Variants in RFXANK observed in about 807,000 individuals in gnomAD.
The protein encoded by RFXANK is DNA-binding protein RFXANK.
RFXANK carries 19 observed loss-of-function variants against 34.5 expected under a neutral mutation model. That is an observed-to-expected ratio of 0.55 (90% CI 0.38 to 0.81). The LOEUF (loss-of-function observed/expected upper bound fraction) is 0.81, where lower values mean the gene tolerates loss of function less well. Among genes scored for constraint, RFXANK ranks in the 30% least tolerant of loss-of-function variants. The probability of loss-of-function intolerance (pLI) is 0.00; values close to 1 mark genes in which losing one functional copy is unlikely to be tolerated. For missense variants in RFXANK, 295 were observed against 343.5 expected (o/e 0.86, Z 1.12); for synonymous variants, 154 against 149.8 (o/e 1.03, Z -0.20).
rs1437450825 is a variant in RFXANK at position 19,193,952 on chromosome 19, G to GCTTA, written c.8_11dup (p.Gln5TyrfsTer22). On this transcript the variant is annotated frameshift_variant, in exon 3 of 10. Transcript: ENST00000303088. LOFTEE classifies it high-confidence loss of function. ...CACCTCCGCCAGCTTTCCCCATGGAGCTTACCCAGCCTGCAGAAGACCTCA... is the reference window on the plus strand; with the variant it reads ...CACCTCCGCCAGCTTTCCCCATGGAGCTTACTTACCCAGCCTGCAGAAGACCTCA... 2 of 1,614,080 alleles carry GCTTA rather than the reference G, an allele frequency of 1.2e-6. No homozygotes were observed. Among genetic ancestry groups the GCTTA allele is most frequent in the East Asian group, 2.2e-5 (1 of 44,900 alleles).
In RFXANK at chr19:19,198,197, C is replaced by T. The variant is rs151053440; in HGVS notation, c.529C>T (p.Leu177=). The T allele has an allele frequency of 2.5e-6, 4 of 1,614,178 alleles. No individual in the cohort carries two copies. The highest frequency in any genetic ancestry group is 1.6e-4 in the Middle Eastern group (1 of 6,062). ...CTACACAGACATTGTGGGGCTGCTG[C>T]TGGAGCGTGACGTGGACATCAACAT... The part of the protein sequence containing the change: ...GGYTDIVGLL[L]ERDVDINIYD... Residue 177 remains leucine, a synonymous_variant, in exon 7 of 10, where the codon CTG becomes TTG. Coordinates refer to ENST00000303088, the MANE Select transcript of RFXANK (RefSeq NM_003721.4).
At chr19:19,194,723 C>T (rs1400570056) in intron 3 of RFXANK, among the ~76,000 whole-genome samples, 2 of 150,282 alleles carry the variant, frequency 1.3e-5, no homozygotes, top group African/African-American at 4.9e-5. Context: ...CTGGTCTCCA[C>T]CTCCTGGGCT....
Position 19,201,787 on chromosome 19 carries a change from A to G in RFXANK, c.*68A>G. On this transcript the variant is annotated 3_prime_UTR_variant, in exon 10 of 10. Coordinates refer to ENST00000303088, the MANE Select transcript of RFXANK (RefSeq NM_003721.4). Reference sequence around the variant, plus strand: ...TCAGCCAGAGCTGGGGAAACCCAGAACTGACTTCAAAGGCAGCTTCTGGAC... The same window carrying G: ...TCAGCCAGAGCTGGGGAAACCCAGAGCTGACTTCAAAGGCAGCTTCTGGAC... 1 of 1,613,352 alleles carries G rather than the reference A, an allele frequency of 6.2e-7. No individual in the cohort carries two copies. Among genetic ancestry groups the G allele is most frequent in the East Asian group, 2.2e-5 (1 of 44,880 alleles).
intron 5 of RFXANK, 95 bp downstream of exon 5, chr19:19,197,346 C>A: frequency 1.5e-6 from 2 of 1,335,344 alleles, no homozygotes; most frequent in East Asian, 2.4e-5. Flanking sequence ...TGTGAGTGTC[C>A]ACGTGTATGA....
intron 3 of RFXANK, 146 bp downstream of exon 3, chr19:19,194,279 C>CTGGAGTGCAA: frequency 1.1e-6 from 1 of 901,970 alleles, no homozygotes; most frequent in Non-Finnish European, 1.8e-6. Flanking sequence ...GTTGCCCATG[C>CTGGAGTGCAA]TGGAGTGCAA....
Position 19,194,270 on chromosome 19 carries a change from T to G in RFXANK, c.187+137T>G, listed in dbSNP as rs2146464175. The G allele has an allele frequency of 5.2e-6, 5 of 968,132 alleles. No homozygotes were observed. In the South Asian group the frequency reaches 6.8e-5, roughly 13 times the overall value. The allele number at this position is 968,132 out of a possible 1,614,324, so 60.0% of individuals were successfully genotyped here. A position where few individuals can be genotyped will look rare whatever the true frequency, so the allele number is the denominator to read the frequency against. On this transcript the variant is annotated intron_variant, in intron 3 of 9. Coordinates refer to ENST00000303088, the MANE Select transcript of RFXANK (RefSeq NM_003721.4). ...TTTTTGAGATGGAGTTTTGCTCTTGTTGCCCATGCTGGAGTGCAATGGCGT... is the reference window on the plus strand; with the variant it reads ...TTTTTGAGATGGAGTTTTGCTCTTGGTGCCCATGCTGGAGTGCAATGGCGT...
chr19:19,197,200 C>G lies in RFXANK; in HGVS notation c.286C>G (p.Gln96Glu). 6.2e-7 allele frequency: 1 copy of G among 1,613,862 alleles called. No homozygotes were observed. Among genetic ancestry groups the G allele is most frequent in the Non-Finnish European group, 8.5e-7 (1 of 1,180,034 alleles). The change falls in exon 5 of 10, where the codon CAG becomes GAG. Residue 96 changes from glutamine to glutamate, a missense_variant. Gln to Glu is a conservative substitution (Grantham distance 29, BLOSUM62 2). Coordinates refer to ENST00000303088, the MANE Select transcript of RFXANK (RefSeq NM_003721.4). ...PATLDSLSIH[Q>E]LAAQGELDQL... ...TCCTGCCCCAGCCCTGTCCATCCAC[C>G]AGCTCGCAGCACAGGGGGAGCTGGA...
At position 19,201,776 on chromosome 19, in the gene RFXANK, G is replaced by A; in HGVS notation, c.*57G>A. The A allele has an allele frequency of 6.2e-7, 1 of 1,613,472 alleles. No homozygotes were observed. Among genetic ancestry groups the A allele is most frequent in the Non-Finnish European group, 8.5e-7 (1 of 1,179,864 alleles). The stretch of plus-strand genomic sequence containing the variant: ...GAACAAAATGGTCAGCCAGAGCTGG[G>A]GAAACCCAGAACTGACTTCAAAGGC... On this transcript the variant is annotated 3_prime_UTR_variant, in exon 10 of 10. Coordinates refer to ENST00000303088, the MANE Select transcript of RFXANK (RefSeq NM_003721.4).
intron 3 of RFXANK, among the ~76,000 whole-genome samples, chr19:19,195,222 T>TA (rs2060577855): frequency 6.8e-6 from 1 of 147,080 alleles, no homozygotes; most frequent in African/African-American, 2.5e-5. Flanking sequence ...TTTTTTTTTT[T>TA]AAATGGAGGT....
chr19:19,201,355 G>T, intron 9 of RFXANK: 1 of 971,144 alleles, frequency 1.0e-6, no homozygotes, highest in South Asian at 1.5e-5. Flanking sequence ...TGGGATTATA[G>T]GTGTGAGCCA....
intron 3 of RFXANK, among the ~76,000 whole-genome samples, chr19:19,196,414 T>A (rs1381505848): frequency 1.3e-5 from 2 of 151,648 alleles, no homozygotes; most frequent in African/African-American, 4.8e-5. Context: ...TATATATTTT[T>A]AATTTGCTGG....
intron 3 of RFXANK, among the ~76,000 whole-genome samples, chr19:19,194,389 C>G (rs1177260074): frequency 6.6e-6 from 1 of 152,166 alleles, no homozygotes; most frequent in East Asian, 1.9e-4. Flanking sequence ...TCCGCCACTA[C>G]GCCCAGCTAA....
chr19:19,200,273 G>C (rs1009658021), intron 9 of RFXANK, among the ~76,000 whole-genome samples: 26 of 151,156 alleles, frequency 1.7e-4, no homozygotes, highest in Admixed American at 1.6e-3. Context: ...CACCTCCCAG[G>C]TTCAAGCGAT....
chr19:19,201,623 CCCA>C, intron 9 of RFXANK, 23 bp from the exon 10 acceptor site: 2 of 1,613,908 alleles, frequency 1.2e-6, no homozygotes, highest in African/African-American at 1.3e-5. Flanking sequence ...AAGCTCACAG[CCCA>C]CCTTTTCCCT....
At chr19:19,201,407 C>T in intron 9 of RFXANK, 8 of 1,391,838 alleles carry the variant, frequency 5.7e-6, no homozygotes, top group South Asian at 3.7e-5. Flanking sequence ...ACAATTCACA[C>T]ATTTTGCTTG....
intron 4 of RFXANK, 28 bp downstream of exon 4, chr19:19,197,074 G>C: frequency 6.2e-7 from 1 of 1,613,228 alleles, no homozygotes. Flanking sequence ...CCCCAACAAG[G>C]AGAGGAGTAG....
rs750765021 is a variant in RFXANK, at chr19:19,201,499, T to C, written c.713-150T>C. The C allele has an allele frequency of 3.1e-6, 5 of 1,595,544 alleles. No homozygotes were observed. The East Asian group carries it at 9.0e-5, about 29-fold the overall frequency. ...TTAGGGGAAGTTGAGGTTCCTGGGG[T>C]GAGTCCTCGGTTCTCCCAGCTTTGC... On this transcript the variant is annotated intron_variant, in intron 9 of 9. Coordinates refer to ENST00000303088, the MANE Select transcript of RFXANK (RefSeq NM_003721.4).
At position 19,199,135 on chromosome 19, in the gene RFXANK, C is replaced by T. The variant is rs372192906; in HGVS notation, c.632-19C>T. 29 of 1,612,634 alleles carry T rather than the reference C, an allele frequency of 1.8e-5. No individual in the cohort carries two copies. The African/African-American group carries it at 3.1e-4, about 17-fold the overall frequency. On this transcript the variant is annotated intron_variant, in intron 8 of 9. Coordinates refer to ENST00000303088, the MANE Select transcript of RFXANK (RefSeq NM_003721.4). ...ACTCCCAGGCCCCACCCTCCAGCGC[C>T]CTCCCCTCTCCTTTGCAGCCCGAGG...
intron 9 of RFXANK, among the ~76,000 whole-genome samples, chr19:19,199,798 C>T (rs2060670192): frequency 6.6e-6 from 1 of 152,174 alleles, no homozygotes; most frequent in Non-Finnish European, 1.5e-5. Context: ...CATAGGCAGA[C>T]CCCAGTTTGA....
Sources: allele counts gnomAD v4.1 joint callset (sites outside exome capture counted in the v4.1 genomes callset), GRCh38; gene constraint gnomAD v4.1.1; transcripts MANE v1.5; gene names NCBI Gene and HGNC (gene_info 2026-07-23, HGNC 2026-07-21).